The following PRCD variants were observed in gnomAD, a reference collection of about 807,000 sequenced individuals.
The protein encoded by PRCD is photoreceptor disc component, also known as photoreceptor disk component PRCD.
Under a neutral mutation model 10.1 loss-of-function variants are expected in PRCD, and 12 were observed. The ratio of observed to expected loss-of-function variants is 1.18; its 90% confidence interval spans 0.76 to 1.92. PRCD has a LOEUF of 1.92. Among genes scored for constraint, PRCD ranks in the 40% most tolerant of loss-of-function variants. The probability of loss-of-function intolerance (pLI) is 0.00; values close to 1 mark genes in which losing one functional copy is unlikely to be tolerated. For missense variants in PRCD, 61 were observed against 72.2 expected (o/e 0.84, Z 0.56); for synonymous variants, 31 against 26.2 (o/e 1.18, Z -0.56).
chr17:76,549,291 A>G (rs1372864406), downstream of PRCD, among the ~76,000 whole-genome samples: 1 of 152,264 alleles, frequency 6.6e-6, no homozygotes, highest in African/African-American at 2.4e-5. Context: ...TTTAATAGAC[A>G]CTACAACAAA....
upstream of PRCD, chr17:76,539,951 C>T (rs146388757): frequency 2.9e-3 from 1,772 of 620,960 alleles, 20 homozygotes; most frequent in African/African-American, 0.026. Flanking sequence ...GAACCTGGGC[C>T]CAGTGAGCTT....
Position 76,534,000 on chromosome 17 carries a change from C to G in PRCD, n.45+6167C>G, listed in dbSNP as rs950410483. Among the ~76,000 whole-genome samples, 1 of 151,406 alleles carries G rather than the reference C, an allele frequency of 6.6e-6. No homozygotes were observed. Among genetic ancestry groups the G allele is most frequent in the Non-Finnish European group, 1.5e-5 (1 of 67,872 alleles). On this transcript the variant is annotated intron_variant and non_coding_transcript_variant, in intron 1 of 4. Coordinates refer to the PRCD transcript ENST00000397633. The surrounding 1 kb of genome is among the most constrained non-coding windows in gnomAD (Gnocchi z 4.5). ...CTGCCATGAGCCATGATGGCGCCAC[C>G]GTACTCCAGCTTGGGTGACAGAGCA...
chr17:76,531,184 C>T lies in PRCD; in HGVS notation n.45+3351C>T. ...GAAGGGGGAGTGAACGCCCGGGCGC[C>T]CTGCGTCCTGCAACCCCCAGGCCCC... is the stretch of plus-strand genomic sequence containing the variant. On this transcript the variant is annotated intron_variant and non_coding_transcript_variant, in intron 1 of 4. Transcript: ENST00000397633. This position sits in a 1 kb window ranked among gnomAD's most constrained non-coding sequence, Gnocchi z 7.4. The T allele has an allele frequency of 1.3e-6, 2 of 1,585,554 alleles. No individual in the cohort carries two copies. Among genetic ancestry groups the T allele is most frequent in the Non-Finnish European group, 1.7e-6 (2 of 1,161,372 alleles).
upstream of PRCD, chr17:76,537,859 G>A: frequency 6.6e-6 from 1 of 151,718 alleles, no homozygotes; most frequent in Admixed American, 6.6e-5. Context: ...TGCCGGCAAG[G>A]TGAAGGCTGC....
At chr17:76,547,597 C>G (rs12936288), downstream of PRCD, among the ~76,000 whole-genome samples, 52,126 of 151,760 alleles carry the variant, frequency 0.34, 11,314 homozygotes, top group African/African-American at 0.62. Flanking sequence ...GCCTGTGCAC[C>G]TGGGGAGGAG....
At chr17:76,537,699 GGTGTGT>G, upstream of PRCD, 4 of 555,644 alleles carry the variant, frequency 7.2e-6, no homozygotes, top group Non-Finnish European at 9.1e-6. Context: ...GTGCGCGCCG[GGTGTGT>G]GTGTGTGTGT....
In PRCD at chr17:76,540,604, G is replaced by A. The variant is rs759849474; in HGVS notation, c.143+31G>A. The A allele has an allele frequency of 6.8e-6, 11 of 1,607,434 alleles. No individual in the cohort carries two copies. The highest frequency in any genetic ancestry group is 1.7e-4 in the Middle Eastern group (1 of 5,968). ...GCAGGAGTCTGGGCTGGGGGAGGGA[G>A]GGTGCTGCCAAGGAAGCTGTGGCTG... On this transcript the variant is annotated intron_variant, in intron 2 of 4. Transcript: ENST00000592014. This position sits in a 1 kb window ranked among gnomAD's most constrained non-coding sequence, Gnocchi z 5.0.
At chr17:76,549,965 C>CT (rs1598220308), downstream of PRCD, 3 of 150,930 alleles carry the variant, frequency 2.0e-5, no homozygotes, top group East Asian at 1.9e-4. Flanking sequence ...GTTTTTTTTT[C>CT]TTTTTTTTGA....
chr17:76,546,490 G>C (rs925153018), downstream of PRCD: 1 of 152,184 alleles, frequency 6.6e-6, no homozygotes, highest in African/African-American at 2.4e-5. This position sits in a 1 kb window ranked among gnomAD's most constrained non-coding sequence, Gnocchi z 4.5. Flanking sequence ...TCCTGGGCAA[G>C]GGCAAACAGT....
upstream of PRCD, chr17:76,537,465 C>T (rs140505249): frequency 1.3e-6 from 2 of 1,597,372 alleles, no homozygotes; most frequent in African/African-American, 2.7e-5. Flanking sequence ...TAGCCTGCAC[C>T]GCCTTCCTCT....
At chr17:76,536,724 G>A (rs952498532), upstream of PRCD, among the ~76,000 whole-genome samples, 1 of 152,080 alleles carries the variant, frequency 6.6e-6, no homozygotes, top group Admixed American at 6.5e-5. Flanking sequence ...TTAGGGTTAG[G>A]CCCTGTCTCC....
chr17:76,540,259 G>GGGGGCAT lies in PRCD; in HGVS notation c.74+50_74+56dup. 2.9e-6 allele frequency: 3 copies of GGGGGCAT among 1,026,674 alleles called. No homozygotes were observed. The highest frequency in any genetic ancestry group is 1.4e-5 in the South Asian group (1 of 72,802). 63.6% of individuals were successfully genotyped at this position (1,026,674 alleles called of 1,614,324 possible). A position where few individuals can be genotyped will look rare whatever the true frequency, so the allele number is the denominator to read the frequency against. On this transcript the variant is annotated intron_variant, in intron 1 of 4. Coordinates refer to ENST00000592014, the MANE Select transcript of PRCD (RefSeq NM_001077620.3). The surrounding 1 kb of genome is among the most constrained non-coding windows in gnomAD (Gnocchi z 5.0). ...TATGGCTGGCGGTTGGTCGGGGGGGGGGGGCATGGGGCTGGGCTGCCACCA... is the reference window on the plus strand; with the variant it reads ...TATGGCTGGCGGTTGGTCGGGGGGGGGGGGCATGGGGCATGGGGCTGGGCTGCCACCA...
chr17:76,540,375 G>A lies in PRCD; in HGVS notation c.75-130G>A, dbSNP rs947152822. 5.3e-5 allele frequency: 68 copies of A among 1,293,702 alleles called. No homozygotes were observed. Among genetic ancestry groups the A allele is most frequent in the Non-Finnish European group, 7.1e-5 (64 of 896,648 alleles). The allele number at this position is 1,293,702 out of a possible 1,614,324, so 80.1% of individuals were successfully genotyped here. On this transcript the variant is annotated intron_variant, in intron 1 of 4. Transcript: ENST00000592014. This position sits in a 1 kb window ranked among gnomAD's most constrained non-coding sequence, Gnocchi z 5.0. ...TGAGAGAGCACAGTCTCAGAGCAGG[G>A]GGACTTAGAGCTTCAAAGGCTCTAG...
intron 1 of PRCD, chr17:76,529,466 G>T: frequency 1.0e-6 from 1 of 985,460 alleles, no homozygotes; most frequent in Non-Finnish European, 1.2e-6. Context: ...GGGCAGGACG[G>T]GCAGCGTGCT....
rs1025850996 is a variant in PRCD at position 76,528,770 on chromosome 17, C to T, written n.45+937C>T. 13 of 998,138 alleles carry T rather than the reference C, an allele frequency of 1.3e-5. No individual in the cohort carries two copies. Among genetic ancestry groups the T allele is most frequent in the Admixed American group, 4.3e-5 (1 of 23,376 alleles). 61.8% of individuals were successfully genotyped at this position (998,138 alleles called of 1,614,324 possible). On this transcript the variant is annotated intron_variant and non_coding_transcript_variant, in intron 1 of 4. Transcript: ENST00000397633. The surrounding 1 kb of genome is among the most constrained non-coding windows in gnomAD (Gnocchi z 5.8). ...ACCGTGAGACCCAAGTTCTAGTCTC[C>T]GTCCTGCTACGAACGTGCTGTGTGA...
Position 76,528,290 on chromosome 17 carries a change from G to A in PRCD, n.45+457G>A, listed in dbSNP as rs560413801. Reference sequence around the variant, plus strand: ...CCTAAGGGACTCCTAGACCTGTCCCGCTTCCTGCCAGCCGCTCAGCTAGGT... The same window carrying A: ...CCTAAGGGACTCCTAGACCTGTCCCACTTCCTGCCAGCCGCTCAGCTAGGT... On this transcript the variant is annotated intron_variant and non_coding_transcript_variant, in intron 1 of 4. Transcript: ENST00000397633. This position sits in a 1 kb window ranked among gnomAD's most constrained non-coding sequence, Gnocchi z 5.8. 5.2e-5 allele frequency: 21 copies of A among 400,194 alleles called. No homozygotes were observed. In the South Asian group the frequency reaches 1.9e-3, roughly 37 times the overall value. The allele number at this position is 400,194 out of a possible 1,614,324, so 24.8% of individuals were successfully genotyped here.
rs747650092 is a variant in PRCD, at chr17:76,540,258, G to T, written c.74+43G>T. 13 of 1,100,858 alleles carry T rather than the reference G, an allele frequency of 1.2e-5. 2 individuals are homozygous for T. Among genetic ancestry groups the T allele is most frequent in the Non-Finnish European group, 1.8e-5 (13 of 739,876 alleles). The allele number at this position is 1,100,858 out of a possible 1,614,324, so 68.2% of individuals were successfully genotyped here. On this transcript the variant is annotated intron_variant, in intron 1 of 4. Coordinates refer to ENST00000592014, the MANE Select transcript of PRCD (RefSeq NM_001077620.3). This position sits in a 1 kb window ranked among gnomAD's most constrained non-coding sequence, Gnocchi z 5.0. ...CTATGGCTGGCGGTTGGTCGGGGGG[G>T]GGGGGCATGGGGCTGGGCTGCCACC...
chr17:76,528,995 T>C lies in PRCD; in HGVS notation n.45+1162T>C, dbSNP rs2074799366. ...GTCTCGTCCCTCCTCGGGCCACCCA[T>C]CTGTATTCTCGTATTCTCGGTACAC... On this transcript the variant is annotated intron_variant and non_coding_transcript_variant, in intron 1 of 4. Coordinates refer to the PRCD transcript ENST00000397633. The surrounding 1 kb of genome is among the most constrained non-coding windows in gnomAD (Gnocchi z 5.8). 3 of 1,004,102 alleles carry C rather than the reference T, an allele frequency of 3.0e-6. No individual in the cohort carries two copies. The highest frequency in any genetic ancestry group is 1.7e-5 in the African/African-American group (1 of 57,922). The allele number at this position is 1,004,102 out of a possible 1,614,324, so 62.2% of individuals were successfully genotyped here. A position where few individuals can be genotyped will look rare whatever the true frequency, so the allele number is the denominator to read the frequency against.
intron 1 of PRCD, among the ~76,000 whole-genome samples, chr17:76,532,671 A>G (rs1347505578): frequency 6.6e-6 from 1 of 151,464 alleles, no homozygotes; most frequent in East Asian, 1.9e-4. Context: ...AGCTGGGACT[A>G]CAGGCATCCA....
Sources: gnomAD v4.1 joint callset for allele counts (sites outside exome capture counted in the v4.1 genomes callset) on GRCh38, gnomAD v4.1.1 for gene constraint, Gnocchi (gnomAD v3.1) non-coding constraint, MANE v1.5 for transcripts, NCBI Gene and HGNC (gene_info 2026-07-23, HGNC 2026-07-21) for gene names.